NAA15: variants seen among roughly 807,000 people sequenced by gnomAD.
NAA15 encodes the protein N-alpha-acetyltransferase 15, NatA auxiliary subunit, also known as N-terminal acetyltransferase.
A neutral mutation model predicts 114.0 loss-of-function variants in NAA15; 34 were observed. The observed-to-expected ratio is 0.30, with a 90% CI of 0.23 to 0.40. The LOEUF (loss-of-function observed/expected upper bound fraction) is 0.40, where lower values mean the gene tolerates loss of function less well. Among genes scored for constraint, NAA15 ranks in the 10% least tolerant of loss-of-function variants. The pLI is 1.00. For synonymous variants in NAA15, 340 were observed against 338.0 expected (o/e 1.01, Z -0.06); for missense variants, 658 against 1,004.5 (o/e 0.66, Z 4.66).
chr4:139,386,360 A>G, intron 19 of NAA15, 130 bp downstream of exon 19: 1 of 490,458 alleles, frequency 2.0e-6, no homozygotes, highest in Non-Finnish European at 3.6e-6. Flanking sequence ...CTTATCTTAA[A>G]ATTTATTTAG....
At chr4:139,365,746 G>A (rs923049018) in intron 14 of NAA15, among the ~76,000 whole-genome samples, 3 of 152,140 alleles carry the variant, frequency 2.0e-5, no homozygotes, top group African/African-American at 4.8e-5. Context: ...AGCTACTCAG[G>A]AGGCAGGAGT....
At chr4:139,342,705 C>T in intron 4 of NAA15, 121 bp from the exon 5 acceptor site, 1 of 849,700 alleles carries the variant, frequency 1.2e-6, no homozygotes, top group Non-Finnish European at 1.8e-6. Context: ...GCCTTAGCCT[C>T]CCAAAGTGCT....
chr4:139,339,392 G>C (rs1277322620), intron 3 of NAA15, among the ~76,000 whole-genome samples: 2 of 152,178 alleles, frequency 1.3e-5, no homozygotes, highest in Non-Finnish European at 2.9e-5. Context: ...AGCTGCTCTG[G>C]AGGCTGGGGT....
intron 1 of NAA15, among the ~76,000 whole-genome samples, chr4:139,307,773 A>C (rs1355598659): frequency 6.6e-6 from 1 of 152,170 alleles, no homozygotes; most frequent in African/African-American, 2.4e-5. Flanking sequence ...ACTGAGATTA[A>C]GGTCAACAGC....
At chr4:139,317,395 G>A (rs545698651) in intron 1 of NAA15, among the ~76,000 whole-genome samples, 22 of 152,190 alleles carry the variant, frequency 1.4e-4, no homozygotes, top group African/African-American at 3.6e-4. Flanking sequence ...CGGCCGAGGC[G>A]GGTAGATCAC....
Position 139,384,907 on chromosome 4 carries a change from C to T in NAA15, c.2231C>T (p.Ala744Val). ...LKQEMNRLFG[A>V]TNPKNFNETF... ...CAAGAAATGAATCGTCTTTTTGGAG[C>T]AACGAATCCAAAGAATTTTAATGAA... Residue 744 changes from alanine to valine, a missense_variant, in exon 18 of 20, where the codon GCA (alanine) becomes GTA (valine). Ala to Val is a moderately conservative substitution (Grantham distance 64). Coordinates refer to ENST00000296543, the MANE Select transcript of NAA15 (RefSeq NM_057175.5). The T allele has an allele frequency of 6.4e-7, 1 of 1,559,138 alleles. No homozygotes were observed.
intron 1 of NAA15, among the ~76,000 whole-genome samples, chr4:139,307,974 A>T (rs563608979): frequency 1.2e-3 from 184 of 151,654 alleles, no homozygotes; most frequent in African/African-American, 2.2e-3. Flanking sequence ...TATTATTATT[A>T]TTTTTTTGAG....
chr4:139,331,569 C>T (rs1747000458), intron 1 of NAA15, among the ~76,000 whole-genome samples: 1 of 151,714 alleles, frequency 6.6e-6, no homozygotes, highest in Admixed American at 6.6e-5. Flanking sequence ...GCCTCAGCCT[C>T]CCAAGTAGCT....
intron 17 of NAA15, among the ~76,000 whole-genome samples, chr4:139,384,121 G>C (rs147523657): frequency 6.6e-6 from 1 of 152,118 alleles, no homozygotes; most frequent in African/African-American, 2.4e-5. Context: ...AATGAATCTC[G>C]TGTTAATAAA....
Position 139,388,088 on chromosome 4 carries a change from T to A in NAA15, c.*4T>A. The A allele has an allele frequency of 1.9e-6, 3 of 1,612,558 alleles. No homozygotes were observed. The highest frequency in any genetic ancestry group is 1.1e-5 in the South Asian group (1 of 90,972). On this transcript the variant is annotated 3_prime_UTR_variant, in exon 20 of 20. Transcript: ENST00000296543. ...AGAACTGGCCAATGAAATTTGAACATCACTAAACAAGCAAATGGAATGACT... is the reference window on the plus strand; with the variant it reads ...AGAACTGGCCAATGAAATTTGAACAACACTAAACAAGCAAATGGAATGACT...
At chr4:139,373,316 A>G (rs574824924) in intron 15 of NAA15, among the ~76,000 whole-genome samples, 1 of 152,318 alleles carries the variant, frequency 6.6e-6, no homozygotes, top group South Asian at 2.1e-4. Flanking sequence ...ATGTTACTAT[A>G]CTGAATACTA....
chr4:139,317,659 A>C (rs992545410), intron 1 of NAA15, among the ~76,000 whole-genome samples: 2 of 152,202 alleles, frequency 1.3e-5, no homozygotes, highest in Non-Finnish European at 2.9e-5. Context: ...GAGGATGGCC[A>C]TTAACCTATA....
At chr4:139,368,127 A>G (rs550916150) in intron 14 of NAA15, among the ~76,000 whole-genome samples, 4 of 152,350 alleles carry the variant, frequency 2.6e-5, no homozygotes, top group African/African-American at 9.6e-5. Context: ...AGGTACCAAA[A>G]TCTATGTTGT....
At chr4:139,322,972 T>C (rs1363654692) in intron 1 of NAA15, among the ~76,000 whole-genome samples, 1 of 151,688 alleles carries the variant, frequency 6.6e-6, no homozygotes, top group African/African-American at 2.4e-5. Context: ...ATTGCAGGCA[T>C]AAGCCACCGC....
At chr4:139,354,809 A>G (rs1481114721) in intron 10 of NAA15, among the ~76,000 whole-genome samples, 1 of 152,176 alleles carries the variant, frequency 6.6e-6, no homozygotes, top group Non-Finnish European at 1.5e-5. Context: ...ATCCATGGAT[A>G]TTTCAGTATG....
intron 12 of NAA15, 132 bp from the exon 13 acceptor site, chr4:139,360,368 A>C (rs1203652560): frequency 1.6e-6 from 1 of 644,920 alleles, no homozygotes; most frequent in Non-Finnish European, 2.4e-6. Context: ...CATGTTAACT[A>C]TTCTTTAAGA....
intron 6 of NAA15, among the ~76,000 whole-genome samples, 159 bp downstream of exon 6, chr4:139,344,498 ATG>A (rs1473023290): frequency 1.3e-5 from 2 of 152,184 alleles, no homozygotes; most frequent in East Asian, 3.8e-4. Context: ...ATGTGGGAAA[ATG>A]TACATTTAAA....
intron 2 of NAA15, among the ~76,000 whole-genome samples, chr4:139,335,691 C>T (rs982687212): frequency 1.3e-5 from 2 of 152,008 alleles, no homozygotes; most frequent in East Asian, 1.9e-4. Context: ...ATGTGATTCT[C>T]CAACTCCCTG....
intron 9 of NAA15, among the ~76,000 whole-genome samples, chr4:139,352,648 C>T (rs573424738): frequency 1.1e-4 from 16 of 146,026 alleles, no homozygotes; most frequent in African/African-American, 3.2e-4. Flanking sequence ...GCATAAATCA[C>T]ATCCATAAAA....
Sources: gnomAD v4.1 joint callset for allele counts (sites outside exome capture counted in the v4.1 genomes callset) on GRCh38, gnomAD v4.1.1 for gene constraint, MANE v1.5 for transcripts, NCBI Gene and HGNC (gene_info 2026-07-23, HGNC 2026-07-21) for gene names.